Variants in THSD4 observed in about 807,000 individuals in gnomAD.
The protein encoded by THSD4 is thrombospondin type 1 domain containing 4, also known as thrombospondin type-1 domain-containing protein 4.
Under a neutral mutation model 119.0 loss-of-function variants are expected in THSD4, and 69 were observed. That is an observed-to-expected ratio of 0.58 (90% confidence interval 0.48 to 0.71). The LOEUF (loss-of-function observed/expected upper bound fraction) is 0.71. Ranked by LOEUF, THSD4 falls within the 30% of genes least tolerant of loss-of-function variation. The pLI is 0.00. For synonymous variants in THSD4, 524 were observed against 540.4 expected (o/e 0.97, Z 0.42); for missense variants, 1,393 against 1,391.1 (o/e 1.00, Z -0.02).
chr15:71,598,945 G>A (rs1489527231), intron 7 of THSD4, among the ~76,000 whole-genome samples: 2 of 152,068 alleles, frequency 1.3e-5, no homozygotes, highest in Non-Finnish European at 2.9e-5. Flanking sequence ...ATTGACAAAG[G>A]CATGTGTCAC....
At chr15:71,190,842 G>A (rs1443738442) in intron 3 of THSD4, among the ~76,000 whole-genome samples, 12 of 152,004 alleles carry the variant, frequency 7.9e-5, no homozygotes, top group Admixed American at 6.6e-5. Context: ...AGGTCCCATC[G>A]AGAGGAAACG....
At chr15:71,230,591 A>G (rs1187796745) in intron 4 of THSD4, among the ~76,000 whole-genome samples, 2 of 152,210 alleles carry the variant, frequency 1.3e-5, no homozygotes, top group Non-Finnish European at 2.9e-5. Flanking sequence ...TGCTGGAGAC[A>G]GGGTGTGGAA....
chr15:71,306,307 C>CAAAAAAAAAAA (rs67260180), intron 6 of THSD4, among the ~76,000 whole-genome samples: 1 of 62,936 alleles, frequency 1.6e-5, no homozygotes, highest in African/African-American at 6.6e-5. Context: ...ACTCTTGCCT[C>CAAAAAAAAAAA]AAAAAAAAAA....
intron 1 of THSD4, among the ~76,000 whole-genome samples, chr15:71,136,654 C>T (rs923493964): frequency 1.2e-4 from 18 of 151,372 alleles, no homozygotes; most frequent in Non-Finnish European, 2.9e-5. Context: ...TTCCAGAGGA[C>T]AGCGTGTGTA....
intron 6 of THSD4, among the ~76,000 whole-genome samples, chr15:71,260,006 A>T (rs977135026): frequency 6.6e-6 from 1 of 152,050 alleles, no homozygotes; most frequent in African/African-American, 2.4e-5. Context: ...GCGTTCTGTA[A>T]TTTCCCCAGG....
At chr15:71,620,296 A>C (rs965474156) in intron 7 of THSD4, among the ~76,000 whole-genome samples, 2 of 152,214 alleles carry the variant, frequency 1.3e-5, no homozygotes, top group Non-Finnish European at 2.9e-5. Flanking sequence ...TTGGTATTTA[A>C]AAACATAGTT....
At chr15:71,195,973 G>A (rs1179867523) in intron 3 of THSD4, among the ~76,000 whole-genome samples, 1 of 152,190 alleles carries the variant, frequency 6.6e-6, no homozygotes, top group African/African-American at 2.4e-5. Context: ...AAATGCCTGA[G>A]ACTGGGTAGT....
chr15:71,629,273 C>T (rs2050570854), intron 7 of THSD4, among the ~76,000 whole-genome samples: 1 of 152,194 alleles, frequency 6.6e-6, no homozygotes, highest in Non-Finnish European at 1.5e-5. Context: ...AACTGACAGC[C>T]TTCAGGTCTC....
At chr15:71,516,533 T>C (rs1283013246) in intron 7 of THSD4, among the ~76,000 whole-genome samples, 1 of 152,274 alleles carries the variant, frequency 6.6e-6, no homozygotes, top group African/African-American at 2.4e-5. Flanking sequence ...CAATCTTCAG[T>C]ATAATGCAAT....
At chr15:71,220,509 A>G (rs2043966204) in intron 4 of THSD4, among the ~76,000 whole-genome samples, 1 of 152,202 alleles carries the variant, frequency 6.6e-6, no homozygotes, top group South Asian at 2.1e-4. Context: ...AGTAATAATA[A>G]TACCTATCAT....
intron 7 of THSD4, among the ~76,000 whole-genome samples, chr15:71,645,164 G>A (rs1304072716): frequency 6.6e-6 from 1 of 152,146 alleles, no homozygotes; most frequent in Non-Finnish European, 1.5e-5. Flanking sequence ...AAACCCAGAG[G>A]AAAGATGGTC....
intron 1 of THSD4, among the ~76,000 whole-genome samples, chr15:71,130,779 G>C (rs180966993): frequency 2.0e-5 from 3 of 152,006 alleles, no homozygotes; most frequent in Non-Finnish European, 2.9e-5. Context: ...GAGTCTTGCT[G>C]TGTTGCCCAG....
intron 7 of THSD4, among the ~76,000 whole-genome samples, chr15:71,637,949 A>C (rs1345504006): frequency 6.6e-6 from 1 of 151,234 alleles, no homozygotes; most frequent in Non-Finnish European, 1.5e-5. Flanking sequence ...CTGGTCTCCA[A>C]CTCCTGACCT....
chr15:71,285,943 AT>A (rs573007493), intron 6 of THSD4, among the ~76,000 whole-genome samples: 19 of 145,640 alleles, frequency 1.3e-4, no homozygotes, highest in African/African-American at 2.3e-4. Context: ...CATTGCAAGA[AT>A]TTTTTTTTTC....
At chr15:71,362,800 A>T (rs1222785594) in intron 6 of THSD4, among the ~76,000 whole-genome samples, 1 of 152,012 alleles carries the variant, frequency 6.6e-6, no homozygotes, top group Non-Finnish European at 1.5e-5. Flanking sequence ...ACATATGGAG[A>T]TCCACTTTAT....
intron 7 of THSD4, among the ~76,000 whole-genome samples, chr15:71,621,361 C>T (rs2050415908): frequency 3.3e-5 from 5 of 152,148 alleles, no homozygotes. Flanking sequence ...GTTGCTAGGA[C>T]AGTTGTCCCA....
At chr15:71,296,846 A>G in intron 6 of THSD4, among the ~76,000 whole-genome samples, 1 of 152,230 alleles carries the variant, frequency 6.6e-6, no homozygotes, top group East Asian at 1.9e-4. Flanking sequence ...AGCTATAACT[A>G]GATTTTTAAT....
At chr15:71,524,763 A>ATTTT in intron 7 of THSD4, among the ~76,000 whole-genome samples, 1 of 116,104 alleles carries the variant, frequency 8.6e-6, no homozygotes, top group East Asian at 2.5e-4. Flanking sequence ...CGCCCGGCTA[A>ATTTT]TTTTTTTTTT....
intron 7 of THSD4, among the ~76,000 whole-genome samples, chr15:71,415,256 G>A (rs1243176845): frequency 6.6e-6 from 1 of 152,240 alleles, no homozygotes; most frequent in African/African-American, 2.4e-5. Flanking sequence ...CATGAGAGGA[G>A]GGCACTGTCC....
Sources: gnomAD v4.1 joint callset for allele counts (sites outside exome capture counted in the v4.1 genomes callset) on GRCh38, gnomAD v4.1.1 for gene constraint, MANE v1.5 for transcripts, NCBI Gene and HGNC (gene_info 2026-07-23, HGNC 2026-07-21) for gene names.